MTHFD2L: variants seen among roughly 807,000 people sequenced by gnomAD.
MTHFD2L encodes the protein bifunctional methylenetetrahydrofolate dehydrogenase/cyclohydrolase 2, mitochondrial.
Under a neutral mutation model 34.9 loss-of-function variants are expected in MTHFD2L, and 29 were observed. That is an observed-to-expected ratio of 0.83 (90% CI 0.62 to 1.13). The LOEUF is 1.13. MTHFD2L is among the 50% of genes most tolerant of loss of function. The pLI is 0.00. For missense variants in MTHFD2L, 481 were observed against 446.5 expected, an observed-to-expected ratio of 1.08 and a Z score of -0.70; for synonymous variants, 167 against 155.7, an observed-to-expected ratio of 1.07 and a Z score of -0.54.
chr4:74,236,337 T>G (rs1740828069), intron 6 of MTHFD2L, among the ~76,000 whole-genome samples: 1 of 152,232 alleles, frequency 6.6e-6, no homozygotes, highest in South Asian at 2.1e-4. Flanking sequence ...CCTTATGGCT[T>G]GATTTTTTGA....
At chr4:74,261,870 GATA>G (rs1432857504) in intron 6 of MTHFD2L, among the ~76,000 whole-genome samples, 1 of 151,974 alleles carries the variant, frequency 6.6e-6, no homozygotes, top group Non-Finnish European at 1.5e-5. Context: ...CCGAAGTAGG[GATA>G]ATAACATCTA....
At chr4:74,227,808 G>A (rs1404323123) in intron 6 of MTHFD2L, among the ~76,000 whole-genome samples, 3 of 152,136 alleles carry the variant, frequency 2.0e-5, no homozygotes, top group Non-Finnish European at 4.4e-5. Context: ...CAGACCTCAT[G>A]TCTGCAGTTG....
chr4:74,221,990 G>T (rs888852720), intron 5 of MTHFD2L, among the ~76,000 whole-genome samples: 3 of 151,572 alleles, frequency 2.0e-5, no homozygotes, highest in African/African-American at 4.8e-5. Context: ...TCTCCGACCT[G>T]CTATTTGCCA....
intron 7 of MTHFD2L, among the ~76,000 whole-genome samples, chr4:74,298,697 A>T (rs1749925390): frequency 1.3e-5 from 2 of 152,024 alleles, no homozygotes; most frequent in Admixed American, 1.3e-4. Context: ...CTTATAGTCA[A>T]AATGTTGGAA....
intron 6 of MTHFD2L, among the ~76,000 whole-genome samples, chr4:74,231,475 A>C (rs1480179267): frequency 3.3e-5 from 5 of 152,086 alleles, no homozygotes; most frequent in Admixed American, 3.3e-4. Flanking sequence ...AGCACATTTC[A>C]TGGCTTCACT....
chr4:74,277,477 C>T (rs1300597608), intron 6 of MTHFD2L, among the ~76,000 whole-genome samples: 5 of 152,024 alleles, frequency 3.3e-5, no homozygotes, highest in African/African-American at 1.2e-4. Flanking sequence ...AAGAGAAAGT[C>T]ACTGTTAAGT....
chr4:74,239,634 G>A (rs1323560286), intron 6 of MTHFD2L, among the ~76,000 whole-genome samples: 1 of 152,170 alleles, frequency 6.6e-6, no homozygotes, highest in African/African-American at 2.4e-5. Flanking sequence ...GTGCAGAAGT[G>A]TGGGCTTTAT....
intron 6 of MTHFD2L, among the ~76,000 whole-genome samples, chr4:74,263,532 A>G (rs1418872560): frequency 6.6e-6 from 1 of 151,894 alleles, no homozygotes; most frequent in Non-Finnish European, 1.5e-5. Flanking sequence ...CTCCTTGTAG[A>G]GATCTTTCAC....
At chr4:74,175,534 A>G in intron 3 of MTHFD2L, 131 bp downstream of exon 3, 3 of 957,970 alleles carry the variant, frequency 3.1e-6, no homozygotes, top group African/African-American at 1.6e-5. Context: ...TTTACTAGTA[A>G]TAGGTGTAAT....
At position 74,175,243 on chromosome 4, in the gene MTHFD2L, G is replaced by T. The variant is rs770506655; in HGVS notation, c.329-38G>T. 31 of 1,600,552 alleles carry T rather than the reference G, an allele frequency of 1.9e-5. 1 individual carries two copies. The South Asian group carries it at 2.9e-4, about 15-fold the overall frequency. On this transcript the variant is annotated intron_variant, in intron 2 of 7. Transcript: ENST00000325278. Reference sequence around the variant, plus strand: ...CACTATTGATGAAAAACCATATTCAGTTAGTCAAGTGACCTTCTCTACCTG... The same window carrying T: ...CACTATTGATGAAAAACCATATTCATTTAGTCAAGTGACCTTCTCTACCTG...
chr4:74,226,347 C>A (rs1739159373), intron 6 of MTHFD2L, among the ~76,000 whole-genome samples: 1 of 152,138 alleles, frequency 6.6e-6, no homozygotes, highest in Non-Finnish European at 1.5e-5. Flanking sequence ...AGGACCATTG[C>A]AGAGAATGTC....
At chr4:74,239,943 C>A (rs1490654243) in intron 6 of MTHFD2L, among the ~76,000 whole-genome samples, 1 of 152,146 alleles carries the variant, frequency 6.6e-6, no homozygotes, top group African/African-American at 2.4e-5. Context: ...CCATATACAT[C>A]CTTCCCAGGG....
intron 1 of MTHFD2L, among the ~76,000 whole-genome samples, chr4:74,167,889 TC>T (rs1727075720): frequency 6.6e-6 from 1 of 152,076 alleles, no homozygotes; most frequent in African/African-American, 2.4e-5. Context: ...AATGTTAGAG[TC>T]ATGTTTGCCT....
Position 74,201,452 on chromosome 4 carries a change from A to G in MTHFD2L, c.712+82A>G, listed in dbSNP as rs113864850. ...ATCAAGTAAACACTTTTGATAATGCAGCTTATTATATTTGTGGGTTTATGC... is the reference window on the plus strand; with the variant it reads ...ATCAAGTAAACACTTTTGATAATGCGGCTTATTATATTTGTGGGTTTATGC... On this transcript the variant is annotated intron_variant, in intron 5 of 7. Coordinates refer to ENST00000325278, the MANE Select transcript of MTHFD2L (RefSeq NM_001144978.3). 2,045 of 984,350 alleles carry G rather than the reference A, an allele frequency of 2.1e-3. 27 individuals are homozygous for G. In the African/African-American group the frequency reaches 0.03, roughly 14 times the overall value. 61.0% of individuals were successfully genotyped at this position (984,350 alleles called of 1,614,324 possible).
chr4:74,290,312 G>A (rs943996426), intron 7 of MTHFD2L, among the ~76,000 whole-genome samples: 2 of 152,150 alleles, frequency 1.3e-5, no homozygotes, highest in African/African-American at 2.4e-5. Context: ...TGCTTTGTAA[G>A]CAGCTTTCTA....
At chr4:74,131,405 G>A (rs1420406942) in intron 1 of MTHFD2L, among the ~76,000 whole-genome samples, 4 of 152,108 alleles carry the variant, frequency 2.6e-5, no homozygotes, top group Non-Finnish European at 4.4e-5. Context: ...CAATGGAACA[G>A]AACATAGGCC....
chr4:74,270,034 A>T, intron 6 of MTHFD2L, among the ~76,000 whole-genome samples: 1 of 152,158 alleles, frequency 6.6e-6, no homozygotes, highest in Non-Finnish European at 1.5e-5. Flanking sequence ...TACGGACCTA[A>T]GGTCCTGAAT....
chr4:74,135,203 T>C (rs561763833), intron 1 of MTHFD2L, among the ~76,000 whole-genome samples: 1 of 152,014 alleles, frequency 6.6e-6, no homozygotes, highest in Non-Finnish European at 1.5e-5. Flanking sequence ...AAAACTGTAA[T>C]GGCAGCAAGA....
chr4:74,280,722 T>A (rs1306123263), intron 6 of MTHFD2L, among the ~76,000 whole-genome samples: 1 of 152,030 alleles, frequency 6.6e-6, no homozygotes, highest in Non-Finnish European at 1.5e-5. Flanking sequence ...AGGAAATAGA[T>A]GGTTGCATAA....
Sources: gnomAD v4.1 joint callset for allele counts (sites outside exome capture counted in the v4.1 genomes callset) on GRCh38, gnomAD v4.1.1 for gene constraint, MANE v1.5 for transcripts, NCBI Gene and HGNC (gene_info 2026-07-23, HGNC 2026-07-21) for gene names.